The following HTR4 variants were observed in gnomAD, a reference collection of about 807,000 sequenced individuals.
HTR4 encodes 5-hydroxytryptamine (serotonin) receptor 4, G protein-coupled.
A neutral mutation model predicts 36.8 loss-of-function variants in HTR4; 16 were observed. The ratio of observed to expected loss-of-function variants is 0.43; its 90% confidence interval spans 0.29 to 0.66. The LOEUF is 0.66. Ranked by LOEUF, HTR4 falls within the 30% of genes least tolerant of loss-of-function variation. The pLI, the probability that HTR4 is intolerant of heterozygous loss-of-function variation, is 0.13. For synonymous variants in HTR4, 189 were observed against 185.1 expected (o/e 1.02, Z -0.17); for missense variants, 438 against 490.9 (o/e 0.89, Z 1.02).
chr5:148,484,669 C>T (rs1283852353), intron 6 of HTR4, among the ~76,000 whole-genome samples: 1 of 152,164 alleles, frequency 6.6e-6, no homozygotes, highest in Admixed American at 6.5e-5. Context: ...AAAATGTTCT[C>T]TTCTTTCCAG....
intron 5 of HTR4, among the ~76,000 whole-genome samples, chr5:148,519,731 G>C (rs1757923405): frequency 6.6e-6 from 1 of 152,176 alleles, no homozygotes; most frequent in Non-Finnish European, 1.5e-5. Context: ...AGTCAAACAA[G>C]GCAATGCTCT....
Position 148,484,262 on chromosome 5 carries a change from C to G in HTR4, c.1077-969G>C, listed in dbSNP as rs200928076. 1.7e-5 allele frequency: 27 copies of G among 1,612,596 alleles called. No individual in the cohort carries two copies. The African/African-American group carries it at 3.6e-4, about 22-fold the overall frequency. On this transcript the variant is annotated intron_variant, in intron 6 of 6. Transcript: ENST00000377888. ...ATAAAACAGAGAATCATAGTTACCCCAAGACAGGCTTCCTTGCAGTCAAAC... is the reference window on the plus strand; with the variant it reads ...ATAAAACAGAGAATCATAGTTACCCGAAGACAGGCTTCCTTGCAGTCAAAC...
chr5:148,515,890 C>T (rs979536424), intron 5 of HTR4, among the ~76,000 whole-genome samples: 18 of 151,716 alleles, frequency 1.2e-4, no homozygotes, highest in Non-Finnish European at 1.8e-4. Flanking sequence ...ACTATTTCTA[C>T]AAATATTACA....
intron 5 of HTR4, among the ~76,000 whole-genome samples, chr5:148,469,561 G>A (rs552925388): frequency 7.2e-4 from 109 of 152,282 alleles, no homozygotes; most frequent in African/African-American, 2.5e-3. Flanking sequence ...AGCCAGCTCT[G>A]CAGCATAAAC....
At chr5:148,474,024 C>T (rs1755635180), downstream of HTR4, among the ~76,000 whole-genome samples, 1 of 151,774 alleles carries the variant, frequency 6.6e-6, no homozygotes, top group Non-Finnish European at 1.5e-5. Flanking sequence ...CCAGATGGTT[C>T]TGTGCTGAGG....
chr5:148,627,996 A>G (rs543917816), intron 2 of HTR4, among the ~76,000 whole-genome samples: 1 of 152,228 alleles, frequency 6.6e-6, no homozygotes, highest in Non-Finnish European at 1.5e-5. Context: ...TATGAAAGGT[A>G]ATGTGATAGT....
intron 5 of HTR4, among the ~76,000 whole-genome samples, chr5:148,461,156 A>G (rs564589447): frequency 6.6e-6 from 1 of 152,118 alleles, no homozygotes; most frequent in Non-Finnish European, 1.5e-5. Flanking sequence ...AGAAAATAGA[A>G]TAATATAAAA....
chr5:148,487,390 AAGAAGG>A (rs1756213163), intron 6 of HTR4, among the ~76,000 whole-genome samples: 1 of 152,144 alleles, frequency 6.6e-6, no homozygotes, highest in Non-Finnish European at 1.5e-5. Context: ...TAGGAGGAGG[AAGAAGG>A]AGAAGAGGAG....
intron 4 of HTR4, among the ~76,000 whole-genome samples, chr5:148,543,765 A>G (rs1759234490): frequency 6.6e-6 from 1 of 152,174 alleles, no homozygotes; most frequent in Non-Finnish European, 1.5e-5. Context: ...GTTAGAAAAA[A>G]ATCAAATACA....
intron 4 of HTR4, among the ~76,000 whole-genome samples, chr5:148,545,318 C>T (rs552145473): frequency 1.2e-4 from 18 of 152,306 alleles, no homozygotes; most frequent in East Asian, 9.7e-4. Context: ...ACAAAGAGAA[C>T]GTGCTGACCA....
chr5:148,477,054 A>G (rs539992635), downstream of HTR4, among the ~76,000 whole-genome samples: 10 of 152,332 alleles, frequency 6.6e-5, no homozygotes, highest in South Asian at 2.1e-3. Flanking sequence ...TTGGTAGGCT[A>G]TGAGGAGTCC....
chr5:148,544,062 T>C (rs1339314753), intron 4 of HTR4, among the ~76,000 whole-genome samples: 1 of 151,466 alleles, frequency 6.6e-6, no homozygotes, highest in Non-Finnish European at 1.5e-5. Context: ...GGTTACGTTC[T>C]AGCAAAGGGA....
rs1356560693 is a variant in HTR4, at chr5:148,574,293, C to G, written c.27-24031G>C. On this transcript the variant is annotated intron_variant, in intron 2 of 6. Coordinates refer to ENST00000377888, the MANE Select transcript of HTR4 (RefSeq NM_000870.7). ...CAGCAAATGGTTGGGTGAGAAAATG[C>G]ACTGCTATTCACCCAAGACTGTTAG... is the stretch of plus-strand genomic sequence containing the variant. 2.0e-5 allele frequency among the ~76,000 whole-genome samples: 3 copies of G among 152,042 alleles called. No individual in the cohort carries two copies. The East Asian group carries it at 5.8e-4, about 29-fold the overall frequency.
At chr5:148,610,014 A>C (rs974265389) in intron 2 of HTR4, among the ~76,000 whole-genome samples, 1 of 152,232 alleles carries the variant, frequency 6.6e-6, no homozygotes. Flanking sequence ...GAACTTGAAA[A>C]TACAAATTTT....
intron 6 of HTR4, among the ~76,000 whole-genome samples, chr5:148,494,345 A>G (rs1157679016): frequency 3.3e-5 from 5 of 152,226 alleles, no homozygotes; most frequent in Admixed American, 6.5e-5. Flanking sequence ...CAGATAATAA[A>G]CAAGTTAACA....
At chr5:148,651,928 G>A (rs2127321239) in intron 1 of HTR4, among the ~76,000 whole-genome samples, 1 of 152,174 alleles carries the variant, frequency 6.6e-6, no homozygotes, top group South Asian at 2.1e-4. Context: ...CCTTGGAAAT[G>A]ATCTAGTGGC....
intron 2 of HTR4, among the ~76,000 whole-genome samples, chr5:148,616,597 T>C (rs1299441007): frequency 1.3e-5 from 2 of 152,116 alleles, no homozygotes; most frequent in African/African-American, 4.8e-5. Context: ...TTGTTCCTAT[T>C]ACAAAGCAAT....
chr5:148,618,618 G>C (rs1160340241), intron 2 of HTR4, among the ~76,000 whole-genome samples: 1 of 151,774 alleles, frequency 6.6e-6, no homozygotes, highest in Non-Finnish European at 1.5e-5. Context: ...GCTCACTGCT[G>C]TGCTAAGCTC....
At chr5:148,490,533 C>G in intron 6 of HTR4, 1 of 1,112,120 alleles carries the variant, frequency 9.0e-7, no homozygotes, top group Non-Finnish European at 1.1e-6. Context: ...TGGGACGATG[C>G]TTATGATTTT....
Sources: gnomAD v4.1 joint callset for allele counts (sites outside exome capture counted in the v4.1 genomes callset) on GRCh38, gnomAD v4.1.1 for gene constraint, MANE v1.5 for transcripts, NCBI Gene and HGNC (gene_info 2026-07-23, HGNC 2026-07-21) for gene names.